The following ZNF718 variants were observed in gnomAD, a reference collection of about 807,000 sequenced individuals.
The protein encoded by ZNF718 is zinc finger protein 718.
ZNF718 carries 3 observed loss-of-function variants against 2.6 expected under a neutral mutation model. The ratio of observed to expected loss-of-function variants is 1.16; its 90% CI spans 0.53 to 3.01. ZNF718 has a LOEUF of 3.01. Ranked by LOEUF, ZNF718 falls within the 30% of genes most tolerant of loss-of-function variation. ZNF718 has a pLI of 0.03. For missense variants in ZNF718, 468 were observed against 230.0 expected (o/e 2.03, Z -6.69); for synonymous variants, 135 against 77.9 (o/e 1.73, Z -3.86).
At chr4:134,566 T>G (rs1423342526) in intron 3 of ZNF718, among the ~76,000 whole-genome samples, 2 of 152,224 alleles carry the variant, frequency 1.3e-5, no homozygotes, top group Non-Finnish European at 2.9e-5. Context: ...ATACGGTACT[T>G]TGACAGTATT....
intron 3 of ZNF718, among the ~76,000 whole-genome samples, chr4:155,772 C>T (rs1716540029): frequency 6.6e-6 from 1 of 152,062 alleles, no homozygotes; most frequent in South Asian, 2.1e-4. Context: ...GTTGGGAAGG[C>T]ATAATTTGTT....
intron 3 of ZNF718, among the ~76,000 whole-genome samples, chr4:185,198 G>T (rs1560131466): frequency 1.3e-5 from 2 of 152,060 alleles, no homozygotes; most frequent in African/African-American, 2.4e-5. Flanking sequence ...CTGGTACATT[G>T]TCTCTTTGTT....
chr4:143,376 C>T (rs568220702), intron 3 of ZNF718, among the ~76,000 whole-genome samples: 5 of 152,216 alleles, frequency 3.3e-5, no homozygotes, highest in African/African-American at 7.2e-5. Flanking sequence ...TTAGTAGAGA[C>T]GGGGTTTCAC....
chr4:130,080 GGTCTT>G (rs1392443632), intron 1 of ZNF718, among the ~76,000 whole-genome samples: 1 of 104,432 alleles, frequency 9.6e-6, no homozygotes, highest in African/African-American at 3.3e-5. Flanking sequence ...GATGATTGGT[GGTCTT>G]GTCTTCGGAT....
intron 3 of ZNF718, among the ~76,000 whole-genome samples, chr4:184,537 G>A (rs77893324): frequency 1.3e-5 from 2 of 152,108 alleles, no homozygotes; most frequent in South Asian, 4.1e-4. Flanking sequence ...GAATGCCTTA[G>A]GGAGGAGTCT....
At chr4:171,115 A>T (rs1717216150) in intron 3 of ZNF718, among the ~76,000 whole-genome samples, 1 of 152,182 alleles carries the variant, frequency 6.6e-6, no homozygotes, top group Non-Finnish European at 1.5e-5. Context: ...GGTCCACTCC[A>T]GACCCTCTTT....
intron 3 of ZNF718, among the ~76,000 whole-genome samples, chr4:143,141 C>T (rs1715887397): frequency 6.6e-6 from 1 of 152,148 alleles, no homozygotes; most frequent in African/African-American, 2.4e-5. Context: ...GGCTCTAAGG[C>T]CCTAAATTTT....
chr4:130,921 A>T lies in ZNF718; in HGVS notation c.130+7A>T, dbSNP rs1408869044. 4 of 336,494 alleles carry T rather than the reference A, an allele frequency of 1.2e-5. 2 individuals are homozygous for T. Among genetic ancestry groups the T allele is most frequent in the South Asian group, 1.2e-4 (2 of 16,938 alleles). The allele number at this position is 336,494 out of a possible 1,614,324, so 20.8% of individuals were successfully genotyped here. ...AGAAACCTGGTCTCCCTGGGTAAGG[A>T]TAACTTTAATATGTAATTCCTAATA... On this transcript the variant is annotated splice_region_variant and intron_variant, in intron 2 of 3. Transcript: ENST00000510175.
chr4:134,690 G>A (rs1168797628), intron 3 of ZNF718, among the ~76,000 whole-genome samples: 1 of 151,256 alleles, frequency 6.6e-6, no homozygotes, highest in Non-Finnish European at 1.5e-5. Context: ...AATTTACTAT[G>A]ATTAAATTTT....
chr4:124,769 C>A (rs1715117178), intron 1 of ZNF718, 96 bp downstream of exon 1: 1 of 1,529,878 alleles, frequency 6.5e-7, no homozygotes, highest in South Asian at 1.2e-5. Context: ...ATGGAGTTCC[C>A]GCTCAGCCCT....
At position 161,335 on chromosome 4, in the gene ZNF718, A is replaced by T. The variant is rs781888099; in HGVS notation, c.650A>T (p.His217Leu). ...AFNWSSILTK[H>L]KRIHAREKFY... ...AATTGGTCCTCAATTCTTACTAAAC[A>T]TAAGAGAATTCATGCCAGAGAGAAA... The change falls in exon 4 of 4, where the codon CAT becomes CTT. Residue 217 changes from histidine to leucine, a missense_variant. By Grantham distance (99) the His-to-Leu change is moderately conservative. Transcript: ENST00000510175. 2 of 780,608 alleles carry T rather than the reference A, an allele frequency of 2.6e-6. No homozygotes were observed. The highest frequency in any genetic ancestry group is 2.7e-5 in the South Asian group (2 of 74,572). 48.4% of individuals were successfully genotyped at this position (780,608 alleles called of 1,614,324 possible). A position where few individuals can be genotyped will look rare whatever the true frequency, so the allele number is the denominator to read the frequency against.
At chr4:171,452 C>T (rs567948999) in intron 3 of ZNF718, among the ~76,000 whole-genome samples, 15 of 152,280 alleles carry the variant, frequency 9.9e-5, no homozygotes, top group African/African-American at 3.6e-4. Context: ...GTGGAGTCTA[C>T]AGAGGCAGGC....
In ZNF718 at chr4:135,843, T is replaced by G. The variant is rs529837302; in HGVS notation, c.226+4338T>G. On this transcript the variant is annotated intron_variant, in intron 3 of 3. Coordinates refer to ENST00000510175, the MANE Select transcript of ZNF718 (RefSeq NM_001039127.6). The stretch of plus-strand genomic sequence containing the variant: ...CTTGCCTAATTGTTCTCATACAAAT[T>G]TTTAGTAATATGTTAAGATAGAAGC... Among the ~76,000 whole-genome samples the G allele has an allele frequency of 2.0e-5, 3 of 150,932 alleles. No individual in the cohort carries two copies. In the Admixed American group the frequency reaches 2.0e-4, roughly 10 times the overall value.
intron 3 of ZNF718, among the ~76,000 whole-genome samples, chr4:197,340 G>A (rs1344074209): frequency 6.6e-6 from 1 of 152,014 alleles, no homozygotes; most frequent in African/African-American, 2.4e-5. Context: ...AAAAAAAGAT[G>A]GGGCTAAGAA....
At position 151,933 on chromosome 4, in the gene ZNF718, T is replaced by C. The variant is rs572510062; in HGVS notation, c.227-8979T>C. 3.3e-3 allele frequency among the ~76,000 whole-genome samples: 497 copies of C among 151,030 alleles called. 3 individuals carry two copies. The highest frequency in any genetic ancestry group is 0.012 in the African/African-American group (485 of 41,132). On this transcript the variant is annotated intron_variant, in intron 3 of 3. Coordinates refer to ENST00000510175, the MANE Select transcript of ZNF718 (RefSeq NM_001039127.6). Reference sequence around the variant, plus strand: ...AGTATTTATTGATCATCCGTGGGTGTTTCTCAAAGAGGGGGATGTGTCAGG... The same window carrying C: ...AGTATTTATTGATCATCCGTGGGTGCTTCTCAAAGAGGGGGATGTGTCAGG...
At chr4:193,359 C>T (rs1289623592) in intron 3 of ZNF718, among the ~76,000 whole-genome samples, 1 of 152,076 alleles carries the variant, frequency 6.6e-6, no homozygotes, top group Non-Finnish European at 1.5e-5. Flanking sequence ...GTTAGGTGTT[C>T]CCTCAGAAGT....
chr4:184,201 A>T (rs1306842876), intron 3 of ZNF718, among the ~76,000 whole-genome samples: 1 of 152,072 alleles, frequency 6.6e-6, no homozygotes, highest in Non-Finnish European at 1.5e-5. Flanking sequence ...TAGTTTATTG[A>T]GAGTTTTTAA....
intron 3 of ZNF718, among the ~76,000 whole-genome samples, chr4:157,103 C>CTTTTTTTCTTTTTTTTT: frequency 9.7e-6 from 1 of 103,150 alleles, no homozygotes; most frequent in Non-Finnish European, 1.9e-5. Context: ...TTCTTTCTTT[C>CTTTTTTTCTTTTTTTTT]TTTTTTTTTT....
Position 161,678 on chromosome 4 carries a change from A to T in ZNF718, c.993A>T (p.Arg331Ser), listed in dbSNP as rs782684548. ...TTSSDFAKHK[R>S]IHTGEKPYKC... The stretch of plus-strand genomic sequence containing the variant: ...CCTCAGACTTTGCTAAACATAAGAG[A>T]ATTCATACAGGAGAGAAACCCTACA... The change falls in exon 4 of 4, where the codon AGA (arginine) becomes AGT (serine). Residue 331 changes from arginine to serine, a missense_variant. By Grantham distance (110) the Arg-to-Ser change is moderately radical (BLOSUM62 -1). Coordinates refer to ENST00000510175, the MANE Select transcript of ZNF718 (RefSeq NM_001039127.6). The T allele has an allele frequency of 3.1e-5, 24 of 779,394 alleles. No homozygotes were observed. Among genetic ancestry groups the T allele is most frequent in the Non-Finnish European group, 4.6e-5 (19 of 417,250 alleles). The allele number at this position is 779,394 out of a possible 1,614,324, so 48.3% of individuals were successfully genotyped here.
Sources: gnomAD v4.1 joint callset for allele counts (sites outside exome capture counted in the v4.1 genomes callset) on GRCh38, gnomAD v4.1.1 for gene constraint, MANE v1.5 for transcripts, NCBI Gene and HGNC (gene_info 2026-07-23, HGNC 2026-07-21) for gene names.